The following PTPN13 variants were observed in gnomAD, a reference collection of about 807,000 sequenced individuals.
PTPN13 encodes the protein protein tyrosine phosphatase non-receptor type 13.
Under a neutral mutation model 284.0 loss-of-function variants are expected in PTPN13, and 191 were observed. That is an observed-to-expected ratio of 0.67 (90% CI 0.60 to 0.76). PTPN13 has a LOEUF of 0.76. Among genes scored for constraint, PTPN13 ranks in the 30% least tolerant of loss-of-function variants. The pLI is 0.00. For synonymous variants in PTPN13, 986 were observed against 1,022.3 expected (o/e 0.96, Z 0.68); for missense variants, 2,797 against 2,939.9 (o/e 0.95, Z 1.12).
rs758743200 is a variant in PTPN13, at chr4:86,767,894, T to G, written c.4407T>G (p.Leu1469=). ...EHVPVTPQCT[L]SDQNAQGQGP... Reference sequence around the variant, plus strand: ...TCCCGGTAACCCCACAGTGTACCCTTTCAGATCAGAATGCCCAAGGTCAAG... The same window carrying G: ...TCCCGGTAACCCCACAGTGTACCCTGTCAGATCAGAATGCCCAAGGTCAAG... The change falls in exon 28 of 48, where the codon CTT becomes CTG. Residue 1469 remains leucine (L), a synonymous_variant. Coordinates refer to ENST00000411767, the MANE Select transcript of PTPN13 (RefSeq NM_080683.3). 2 of 1,609,188 alleles carry G rather than the reference T, an allele frequency of 1.2e-6. No homozygotes were observed. The highest frequency in any genetic ancestry group is 3.4e-5 in the Admixed American group (2 of 59,446).
intron 40 of PTPN13, among the ~76,000 whole-genome samples, chr4:86,792,392 C>T (rs1006610076): frequency 6.6e-6 from 1 of 152,056 alleles, no homozygotes; most frequent in African/African-American, 2.4e-5. Flanking sequence ...ATTGGTGTAC[C>T]GGAAAGGACA....
chr4:86,806,343 T>A (rs183844582), intron 44 of PTPN13, among the ~76,000 whole-genome samples: 19 of 152,182 alleles, frequency 1.2e-4, no homozygotes, highest in Admixed American at 1.1e-3. Flanking sequence ...TTATAACATA[T>A]GACACACTGA....
At chr4:86,675,027 G>A (rs904563492) in intron 3 of PTPN13, among the ~76,000 whole-genome samples, 1 of 152,044 alleles carries the variant, frequency 6.6e-6, no homozygotes, top group Admixed American at 6.6e-5. Context: ...TAGAAATTTG[G>A]GATGCACAAG....
At chr4:86,811,773 A>C (rs1436815648) in intron 47 of PTPN13, among the ~76,000 whole-genome samples, 1 of 152,208 alleles carries the variant, frequency 6.6e-6, no homozygotes, top group Admixed American at 6.5e-5. Context: ...ATATCCATAA[A>C]TTAACATTTC....
chr4:86,742,762 A>G (rs368844891), intron 16 of PTPN13, among the ~76,000 whole-genome samples: 45 of 152,334 alleles, frequency 3.0e-4, no homozygotes, highest in Middle Eastern at 6.8e-3. Flanking sequence ...CCCAGTGGAA[A>G]TGCTGGCAGA....
chr4:86,649,521 A>G (rs1724838830), intron 2 of PTPN13, among the ~76,000 whole-genome samples: 1 of 152,174 alleles, frequency 6.6e-6, no homozygotes, highest in Non-Finnish European at 1.5e-5. Context: ...ACCTTAGTCA[A>G]AACTGAGTTC....
intron 20 of PTPN13, among the ~76,000 whole-genome samples, chr4:86,756,037 T>C (rs1737922121): frequency 6.6e-6 from 1 of 151,772 alleles, no homozygotes. Flanking sequence ...AATGGACTTA[T>C]TAAGTACCTA....
intron 3 of PTPN13, among the ~76,000 whole-genome samples, chr4:86,674,915 A>T (rs929491210): frequency 1.3e-5 from 2 of 152,218 alleles, no homozygotes; most frequent in Admixed American, 6.5e-5. Flanking sequence ...ATTTTTAAAA[A>T]GGGATTCGAA....
intron 12 of PTPN13, 126 bp from the exon 13 acceptor site, chr4:86,734,177 A>G (rs1032455148): frequency 1.3e-6 from 1 of 749,334 alleles, no homozygotes; most frequent in African/African-American, 1.8e-5. Flanking sequence ...CACATTTTTA[A>G]CAGTCTTGTA....
intron 16 of PTPN13, among the ~76,000 whole-genome samples, chr4:86,744,281 T>G (rs1736481391): frequency 6.6e-6 from 1 of 152,150 alleles, no homozygotes; most frequent in Admixed American, 6.6e-5. Context: ...TCATTATATA[T>G]TAATAAAAAA....
At chr4:86,808,196 G>T (rs1173404432) in intron 45 of PTPN13, among the ~76,000 whole-genome samples, 1 of 152,186 alleles carries the variant, frequency 6.6e-6, no homozygotes, top group Non-Finnish European at 1.5e-5. Flanking sequence ...CTCAGAAGTT[G>T]CATGTTGGAA....
chr4:86,726,907 G>A (rs149665063), intron 10 of PTPN13, among the ~76,000 whole-genome samples: 1,496 of 149,502 alleles, frequency 0.01, 76 homozygotes, highest in African/African-American at 0.034. Flanking sequence ...CAAAGGGAAT[G>A]CTTCCAGTTT....
At chr4:86,618,408 G>GCA (rs1565156407) in intron 1 of PTPN13, among the ~76,000 whole-genome samples, 5 of 151,742 alleles carry the variant, frequency 3.3e-5, no homozygotes, top group Non-Finnish European at 7.4e-5. Flanking sequence ...TTGGCGATGT[G>GCA]GGCTCTTTTT....
chr4:86,652,074 C>G (rs548525036), intron 2 of PTPN13, among the ~76,000 whole-genome samples: 2 of 152,164 alleles, frequency 1.3e-5, no homozygotes, highest in East Asian at 3.9e-4. Flanking sequence ...GCTTGGGCAA[C>G]ATAGTGATGA....
rs907378657 is a variant in PTPN13 at position 86,651,832 on chromosome 4, T to C, written c.115+16461T>C. 5.3e-5 allele frequency among the ~76,000 whole-genome samples: 8 copies of C among 152,340 alleles called. No homozygotes were observed. In the South Asian group the frequency reaches 1.4e-3, roughly 28 times the overall value. ...CTGTGATATCAGTTGTAATGTCCCC[T>C]TTTTCATCTCTGCTTTTATTTAATT... is the stretch of plus-strand genomic sequence containing the variant. On this transcript the variant is annotated intron_variant, in intron 2 of 47. Coordinates refer to ENST00000411767, the MANE Select transcript of PTPN13 (RefSeq NM_080683.3).
chr4:86,768,796 C>T (rs1231794486), intron 28 of PTPN13, among the ~76,000 whole-genome samples: 2 of 151,144 alleles, frequency 1.3e-5, no homozygotes, highest in Admixed American at 6.6e-5. Context: ...CTGCAACCTC[C>T]GCCCCTGGGT....
chr4:86,782,324 G>T, intron 37 of PTPN13, 62 bp downstream of exon 37: 7 of 1,363,996 alleles, frequency 5.1e-6, no homozygotes, highest in Non-Finnish European at 7.3e-6. Context: ...GCATGTTTGT[G>T]TTTTGAACCA....
intron 3 of PTPN13, among the ~76,000 whole-genome samples, chr4:86,673,010 A>T (rs959334651): frequency 6.6e-6 from 1 of 152,198 alleles, no homozygotes; most frequent in Non-Finnish European, 1.5e-5. Flanking sequence ...CATAAGAAGC[A>T]TGCAGCCTCA....
Position 86,814,543 on chromosome 4 carries a change from C to CT in PTPN13, c.7451dup (p.Lys2485GlufsTer4). On this transcript the variant is annotated frameshift_variant, in exon 48 of 48. Coordinates refer to ENST00000411767, the MANE Select transcript of PTPN13 (RefSeq NM_080683.3). LOFTEE classifies it high-confidence loss of function. ...AGAGCAAAAACAGCAGCCTCAGCTT[C>CT]TGAAGTGACATGAAAAGAGCCTCTG... is the stretch of plus-strand genomic sequence containing the variant. 1 of 1,609,974 alleles carries CT rather than the reference C, an allele frequency of 6.2e-7. No individual in the cohort carries two copies. Among genetic ancestry groups the CT allele is most frequent in the Middle Eastern group, 1.7e-4 (1 of 6,056 alleles).
Sources: gnomAD v4.1 joint callset for allele counts (sites outside exome capture counted in the v4.1 genomes callset) on GRCh38, gnomAD v4.1.1 for gene constraint, MANE v1.5 for transcripts, NCBI Gene and HGNC (gene_info 2026-07-23, HGNC 2026-07-21) for gene names.